GOSR2: variants seen among roughly 807,000 people sequenced by gnomAD.
GOSR2 encodes the protein golgi SNAP receptor complex member 2, also known as 27 kDa Golgi SNARE protein.
GOSR2 carries 20 observed loss-of-function variants against 27.9 expected under a neutral mutation model. That is an observed-to-expected ratio of 0.72 (90% CI 0.50 to 1.04). GOSR2 has a LOEUF of 1.04. Among genes scored for constraint, GOSR2 ranks in the 50% least tolerant of loss-of-function variants. GOSR2 has a pLI of 0.00. For missense variants in GOSR2, 261 were observed against 270.5 expected, an observed-to-expected ratio of 0.97 and a Z score of 0.25; for synonymous variants, 91 against 98.8, an observed-to-expected ratio of 0.92 and a Z score of 0.47.
chr17:46,931,279 T>C, intron 3 of GOSR2, 72 bp downstream of exon 3: 2 of 820,892 alleles, frequency 2.4e-6, no homozygotes, highest in East Asian at 2.4e-5. Flanking sequence ...CTGGGGGAGG[T>C]GATAGAATAT....
At position 46,932,197 on chromosome 17, in the gene GOSR2, A is replaced by G; in HGVS notation, c.334A>G (p.Asn112Asp). ...GCTTCTGTCTCGAACCTTCACCACT[A>G]ACGTAAGCCAGGCCCGTGGTGAGGG... ...EELLSRTFTT[N>D]DSDTTIPMDE... Residue 112 changes from asparagine (N) to aspartate (D), a missense_variant and splice_region_variant, in exon 4 of 6, where the codon AAC (asparagine) becomes GAC (aspartate). Asn to Asp is a conservative substitution (Grantham distance 23). Coordinates refer to ENST00000640051, the MANE Select transcript of GOSR2 (RefSeq NM_004287.5). The G allele has an allele frequency of 6.2e-7, 1 of 1,614,060 alleles. No homozygotes were observed. The highest frequency in any genetic ancestry group is 8.5e-7 in the Non-Finnish European group (1 of 1,180,016).
intron 1 of GOSR2, chr17:46,923,500 C>T (rs960134672): frequency 2.2e-6 from 3 of 1,380,644 alleles, no homozygotes; most frequent in South Asian, 1.8e-5. Flanking sequence ...GGGAAACTGG[C>T]ACCTGCAGGT....
intron 4 of GOSR2, chr17:46,932,448 C>A: frequency 1.7e-6 from 1 of 601,206 alleles, no homozygotes; most frequent in Non-Finnish European, 3.0e-6. Flanking sequence ...GTGAAAATTA[C>A]CTGGTTGGGC....
chr17:46,975,004 T>C (rs1303333052), intron 6 of GOSR2, among the ~76,000 whole-genome samples: 1 of 148,568 alleles, frequency 6.7e-6, no homozygotes, highest in African/African-American at 2.5e-5. Flanking sequence ...TTTTTTTTTT[T>C]TTTTTTTTTA....
At chr17:46,968,126 G>A (rs2091354632), downstream of GOSR2, among the ~76,000 whole-genome samples, 1 of 152,028 alleles carries the variant, frequency 6.6e-6, no homozygotes, top group Non-Finnish European at 1.5e-5. Flanking sequence ...CCTCACTGCT[G>A]TTCCTTCTCT....
chr17:46,928,021 C>T (rs1163367998), intron 1 of GOSR2, among the ~76,000 whole-genome samples: 1 of 152,140 alleles, frequency 6.6e-6, no homozygotes, highest in African/African-American at 2.4e-5. Context: ...CTTGGTTGCC[C>T]TGCTTCAGGT....
At position 46,938,977 on chromosome 17, in the gene GOSR2, A is replaced by C; in HGVS notation, c.*217A>C. ...GCCACCACCATGCGCGGTGCTTAGGAAATGAAAGAAGTCCCGGGTCTGTCT... is the reference window on the plus strand; with the variant it reads ...GCCACCACCATGCGCGGTGCTTAGGCAATGAAAGAAGTCCCGGGTCTGTCT... On this transcript the variant is annotated 3_prime_UTR_variant, in exon 6 of 6. Coordinates refer to ENST00000640051, the MANE Select transcript of GOSR2 (RefSeq NM_004287.5). 7 of 1,418,310 alleles carry C rather than the reference A, an allele frequency of 4.9e-6. No individual in the cohort carries two copies. The highest frequency in any genetic ancestry group is 6.5e-6 in the Non-Finnish European group (7 of 1,079,562). The allele number at this position is 1,418,310 out of a possible 1,614,324, so 87.9% of individuals were successfully genotyped here.
chr17:46,929,617 T>C, intron 2 of GOSR2, 33 bp downstream of exon 2: 1 of 1,079,984 alleles, frequency 9.3e-7, no homozygotes, highest in South Asian at 1.2e-5. Flanking sequence ...CAGAGTCCTT[T>C]CTCTGATGAC....
At chr17:46,925,507 C>T (rs1462438432) in intron 1 of GOSR2, among the ~76,000 whole-genome samples, 2 of 152,192 alleles carry the variant, frequency 1.3e-5, no homozygotes, top group Non-Finnish European at 2.9e-5. Context: ...TTCTAGACCT[C>T]CTTACTTTAT....
Position 46,940,247 on chromosome 17 carries a change from C to A in GOSR2, c.*1487C>A. ...CTGAGTTTCCTGGATGCTAATTTCA[C>A]ACTTTCGGTTGGAGGAGATCTCCAT... On this transcript the variant is annotated 3_prime_UTR_variant, in exon 6 of 6. Transcript: ENST00000640051. 2 of 1,422,116 alleles carry A rather than the reference C, an allele frequency of 1.4e-6. No homozygotes were observed. The highest frequency in any genetic ancestry group is 1.8e-6 in the Non-Finnish European group (2 of 1,092,404). The allele number at this position is 1,422,116 out of a possible 1,614,324, so 88.1% of individuals were successfully genotyped here. A position where few individuals can be genotyped will look rare whatever the true frequency, so the allele number is the denominator to read the frequency against.
At chr17:46,937,590 A>G (rs1446782027) in intron 5 of GOSR2, 1 of 152,190 alleles carries the variant, frequency 6.6e-6, no homozygotes, top group African/African-American at 2.4e-5. Flanking sequence ...CTTCCCAGTC[A>G]GTTGACCCCT....
chr17:46,942,105 C>A, downstream of GOSR2: 1 of 250,286 alleles, frequency 4.0e-6, no homozygotes, highest in Non-Finnish European at 6.3e-6. Flanking sequence ...CAAATCAAGT[C>A]AGTGTAGAAT....
chr17:46,947,870 G>C (rs2090038764), intron 6 of GOSR2, among the ~76,000 whole-genome samples: 2 of 152,206 alleles, frequency 1.3e-5, no homozygotes, highest in Non-Finnish European at 2.9e-5. Context: ...CCGGGTTCAA[G>C]CGACTCTCCT....
exon 7 of GOSR2, chr17:46,966,899 G>T: frequency 2.5e-6 from 1 of 396,872 alleles, no homozygotes; most frequent in Non-Finnish European, 4.4e-6. Context: ...CACCTTAAAG[G>T]GAAATCATTT....
downstream of GOSR2, among the ~76,000 whole-genome samples, chr17:46,943,620 G>T (rs895040223): frequency 6.6e-6 from 1 of 152,230 alleles, no homozygotes; most frequent in South Asian, 2.1e-4. Context: ...CGTAGTAGGC[G>T]CAGGCGCCAT....
rs886053080 is a variant in GOSR2 at position 46,939,172 on chromosome 17, C to A, written c.*412C>A. 1.7e-5 allele frequency: 19 copies of A among 1,092,216 alleles called. No homozygotes were observed. In the Admixed American group the frequency reaches 7.8e-4, roughly 45 times the overall value. The allele number at this position is 1,092,216 out of a possible 1,614,324, so 67.7% of individuals were successfully genotyped here. Reference sequence around the variant, plus strand: ...CTTTCTGGCTCCTGATAGGGTGGAGCAAAAGTGGAAAGGAAAGGAAAGAGG... The same window carrying A: ...CTTTCTGGCTCCTGATAGGGTGGAGAAAAAGTGGAAAGGAAAGGAAAGAGG... On this transcript the variant is annotated 3_prime_UTR_variant, in exon 6 of 6. Transcript: ENST00000640051.
chr17:46,954,928 T>TG (rs1267598154), intron 6 of GOSR2, among the ~76,000 whole-genome samples: 2 of 152,212 alleles, frequency 1.3e-5, no homozygotes, highest in Non-Finnish European at 2.9e-5. Flanking sequence ...GCTGAGACAG[T>TG]GGGGTTTTCT....
rs1302011529 is a variant in GOSR2, at chr17:46,941,513, C to G, written c.*2753C>G. 1 of 626,762 alleles carries G rather than the reference C, an allele frequency of 1.6e-6. No homozygotes were observed. Among genetic ancestry groups the G allele is most frequent in the Non-Finnish European group, 2.0e-6 (1 of 502,480 alleles). 38.8% of individuals were successfully genotyped at this position (626,762 alleles called of 1,614,324 possible). On this transcript the variant is annotated 3_prime_UTR_variant, in exon 6 of 6. Coordinates refer to ENST00000640051, the MANE Select transcript of GOSR2 (RefSeq NM_004287.5). ...GCAGTGGGGAAGCTTTTTAAAATTACATATTCCTGGGGCCTACCCCAGATC... is the reference window on the plus strand; with the variant it reads ...GCAGTGGGGAAGCTTTTTAAAATTAGATATTCCTGGGGCCTACCCCAGATC...
At chr17:46,936,536 G>C in intron 5 of GOSR2, 1 of 985,562 alleles carries the variant, frequency 1.0e-6, no homozygotes, top group Non-Finnish European at 1.2e-6. Flanking sequence ...CCCTGCCTCC[G>C]TCGGGATTTT....
Sources: allele counts gnomAD v4.1 joint callset (sites outside exome capture counted in the v4.1 genomes callset), GRCh38; gene constraint gnomAD v4.1.1; transcripts MANE v1.5; gene names NCBI Gene and HGNC (gene_info 2026-07-23, HGNC 2026-07-21).